ARHGAP15: variants seen among roughly 807,000 people sequenced by gnomAD.
ARHGAP15 encodes Rho GTPase activating protein 15.
In ARHGAP15, 51 loss-of-function variants were observed where a neutral mutation model predicts 63.7. That is an observed-to-expected ratio of 0.80 (90% CI 0.64 to 1.01). ARHGAP15 has a LOEUF of 1.01. Among genes scored for constraint, ARHGAP15 ranks in the 50% least tolerant of loss-of-function variants. ARHGAP15 has a pLI of 0.00. For missense variants in ARHGAP15, 560 were observed against 564.6 expected (o/e 0.99, Z 0.08); for synonymous variants, 191 against 193.8 (o/e 0.99, Z 0.12).
chr2:143,337,023 G>C (rs1042354562), intron 6 of ARHGAP15, among the ~76,000 whole-genome samples: 4 of 152,132 alleles, frequency 2.6e-5, no homozygotes, highest in South Asian at 2.1e-4. Flanking sequence ...GAGGTGGAAG[G>C]GGGTGGGAGA....
At chr2:143,534,973 A>T (rs996191058) in intron 10 of ARHGAP15, among the ~76,000 whole-genome samples, 5 of 152,180 alleles carry the variant, frequency 3.3e-5, no homozygotes, top group Non-Finnish European at 7.4e-5. Context: ...AAATTATTTT[A>T]TAAGTTTTCC....
intron 11 of ARHGAP15, among the ~76,000 whole-genome samples, chr2:143,561,744 C>A (rs1370028577): frequency 6.6e-6 from 1 of 152,124 alleles, no homozygotes; most frequent in East Asian, 1.9e-4. Context: ...CTCAAGTGAT[C>A]TGCCCACTTC....
intron 6 of ARHGAP15, among the ~76,000 whole-genome samples, chr2:143,335,542 A>G (rs1452831946): frequency 6.6e-6 from 1 of 152,192 alleles, no homozygotes; most frequent in Non-Finnish European, 1.5e-5. Context: ...AGGTGAAATT[A>G]TAAATATTAA....
intron 12 of ARHGAP15, among the ~76,000 whole-genome samples, chr2:143,698,380 T>C (rs1405320851): frequency 6.6e-6 from 1 of 152,196 alleles, no homozygotes; most frequent in African/African-American, 2.4e-5. Context: ...TGAATGCAAG[T>C]GTAACTATCA....
At chr2:143,605,191 T>C (rs1417291570) in intron 11 of ARHGAP15, among the ~76,000 whole-genome samples, 1 of 152,106 alleles carries the variant, frequency 6.6e-6, no homozygotes, top group Non-Finnish European at 1.5e-5. Context: ...CACCCAGCCA[T>C]ACTTTGCATT....
At chr2:143,314,773 G>C (rs1026910349) in intron 6 of ARHGAP15, among the ~76,000 whole-genome samples, 1 of 141,624 alleles carries the variant, frequency 7.1e-6, no homozygotes, top group African/African-American at 3.2e-5. Flanking sequence ...CCTTGCAAAA[G>C]TGTGTTTGGC....
At chr2:143,706,923 A>C (rs1362956997) in intron 13 of ARHGAP15, among the ~76,000 whole-genome samples, 1 of 152,190 alleles carries the variant, frequency 6.6e-6, no homozygotes, top group Non-Finnish European at 1.5e-5. Flanking sequence ...ACAAGTGTCA[A>C]ATGCATTTTC....
chr2:143,712,235 G>A lies in ARHGAP15; in HGVS notation c.1244+8711G>A, dbSNP rs566996813. The stretch of plus-strand genomic sequence containing the variant: ...AGTACATGCGAGAGGTTAGGAAGAC[G>A]AAGGATTCCAGGATGGCACCCAGAT... On this transcript the variant is annotated intron_variant, in intron 13 of 13. Coordinates refer to ENST00000295095, the MANE Select transcript of ARHGAP15 (RefSeq NM_018460.4). Among the ~76,000 whole-genome samples the A allele has an allele frequency of 2.4e-4, 36 of 152,328 alleles. 1 individual carries two copies. Among genetic ancestry groups the A allele is most frequent in the South Asian group, 1.7e-3 (8 of 4,830 alleles).
intron 6 of ARHGAP15, among the ~76,000 whole-genome samples, chr2:143,396,262 T>C (rs2104982745): frequency 6.6e-6 from 1 of 152,232 alleles, no homozygotes; most frequent in East Asian, 1.9e-4. Flanking sequence ...ATTTATATTA[T>C]TGCTTCTGTA....
chr2:143,448,876 CATAA>C (rs1363253006), intron 8 of ARHGAP15, among the ~76,000 whole-genome samples: 1 of 151,956 alleles, frequency 6.6e-6, no homozygotes, highest in African/African-American at 2.4e-5. Flanking sequence ...TACCATATGA[CATAA>C]ATAACTTCTT....
In ARHGAP15 at chr2:143,387,883, G is replaced by A. The variant is rs946625275; in HGVS notation, c.475-47718G>A. On this transcript the variant is annotated intron_variant, in intron 6 of 13. Coordinates refer to ENST00000295095, the MANE Select transcript of ARHGAP15 (RefSeq NM_018460.4). Reference sequence around the variant, plus strand: ...GACGCACATACACATACACGCATGCGTGCACATACACATACACGCATGCCT... The same window carrying A: ...GACGCACATACACATACACGCATGCATGCACATACACATACACGCATGCCT... Among the ~76,000 whole-genome samples the A allele has an allele frequency of 4.7e-5, 7 of 149,868 alleles. No homozygotes were observed. In the East Asian group the frequency reaches 5.9e-4, roughly 13 times the overall value.
At chr2:143,458,564 T>C (rs1690771846) in intron 8 of ARHGAP15, among the ~76,000 whole-genome samples, 2 of 152,162 alleles carry the variant, frequency 1.3e-5, no homozygotes, top group African/African-American at 2.4e-5. Context: ...ATCTGAAAGT[T>C]CTTCGTGTCC....
chr2:143,133,411 A>T (rs779880275), intron 1 of ARHGAP15, among the ~76,000 whole-genome samples: 5 of 152,156 alleles, frequency 3.3e-5, no homozygotes, highest in Non-Finnish European at 7.3e-5. Flanking sequence ...GGAGATACGT[A>T]ATTGGATGTC....
At chr2:143,395,169 G>A (rs1304917282) in intron 6 of ARHGAP15, among the ~76,000 whole-genome samples, 1 of 152,050 alleles carries the variant, frequency 6.6e-6, no homozygotes, top group Non-Finnish European at 1.5e-5. Context: ...ATTTATTGAG[G>A]AACAGTCATT....
At position 143,264,826 on chromosome 2, in the gene ARHGAP15, GAA is replaced by G. The variant is rs1246502174; in HGVS notation, c.474+14231_474+14232del. ...GTTCAACCGGTATTAACGGACCTTGGAAAAAAGATAATGAGACCACAGTTCTT... is the reference window on the plus strand; with the variant it reads ...GTTCAACCGGTATTAACGGACCTTGGAAAAGATAATGAGACCACAGTTCTT... On this transcript the variant is annotated intron_variant, in intron 6 of 13. Coordinates refer to ENST00000295095, the MANE Select transcript of ARHGAP15 (RefSeq NM_018460.4). 6.6e-5 allele frequency among the ~76,000 whole-genome samples: 10 copies of G among 152,090 alleles called. No individual in the cohort carries two copies. In the East Asian group the frequency reaches 1.9e-3, roughly 29 times the overall value.
intron 6 of ARHGAP15, among the ~76,000 whole-genome samples, chr2:143,342,935 C>T (rs930310944): frequency 7.2e-5 from 11 of 151,922 alleles, no homozygotes; most frequent in African/African-American, 1.9e-4. Flanking sequence ...ACTACCTAAC[C>T]GCATATATGT....
In ARHGAP15 at chr2:143,556,483, A is replaced by C; in HGVS notation, c.1001A>C (p.Gln334Pro). Residue 334 changes from glutamine (Q) to proline (P), a missense_variant and splice_region_variant, in exon 11 of 14, where the codon CAA (glutamine) becomes CCA (proline). Transcript: ENST00000295095. ...CAGAAGTTAAGATTTATTGTCAACC[A>C]AGGTAAGTGATTTCCACTTCAGAGA... ...TIQKLRFIVN[Q>P]EEKLNLDDSQ... is the part of the protein sequence containing the mutation. 1 of 1,610,810 alleles carries C rather than the reference A, an allele frequency of 6.2e-7. No homozygotes were observed. The highest frequency in any genetic ancestry group is 8.5e-7 in the Non-Finnish European group (1 of 1,177,788).
chr2:143,452,216 A>G (rs1690438014), intron 8 of ARHGAP15, among the ~76,000 whole-genome samples: 1 of 151,980 alleles, frequency 6.6e-6, no homozygotes, highest in South Asian at 2.1e-4. Flanking sequence ...CTTTGGGAGG[A>G]ATGCGGAAGA....
intron 10 of ARHGAP15, among the ~76,000 whole-genome samples, chr2:143,545,668 T>C (rs1695298767): frequency 6.6e-6 from 1 of 152,004 alleles, no homozygotes; most frequent in African/African-American, 2.4e-5. Context: ...TAAATATATT[T>C]ATATAATATT....
Sources: allele counts gnomAD v4.1 joint callset (sites outside exome capture counted in the v4.1 genomes callset), GRCh38; gene constraint gnomAD v4.1.1; transcripts MANE v1.5; gene names NCBI Gene and HGNC (gene_info 2026-07-23, HGNC 2026-07-21).